Variants in DPYD observed in about 807,000 individuals in gnomAD.
DPYD encodes dihydropyrimidine dehydrogenase [NADP(+)].
A neutral mutation model predicts 116.2 loss-of-function variants in DPYD; 109 were observed. That is an observed-to-expected ratio of 0.94 (90% CI 0.80 to 1.10). DPYD has a LOEUF of 1.10. Ranked by LOEUF, DPYD falls within the 50% of genes least tolerant of loss-of-function variation. The pLI is 0.00. For missense variants in DPYD, 1,302 were observed against 1,254.5 expected (o/e 1.04, Z -0.57); for synonymous variants, 440 against 432.0 (o/e 1.02, Z -0.23).
intron 3 of DPYD, among the ~76,000 whole-genome samples, chr1:97,801,901 ATTTT>A (rs1384305612): frequency 6.6e-6 from 1 of 151,842 alleles, no homozygotes; most frequent in Non-Finnish European, 1.5e-5. Flanking sequence ...AAGATTATTT[ATTTT>A]ATTATTTGAC....
Position 97,787,910 on chromosome 1 carries a change from T to C in DPYD, c.233+40204A>G, listed in dbSNP as rs548062607. Among the ~76,000 whole-genome samples the C allele has an allele frequency of 8.5e-5, 13 of 152,320 alleles. No individual in the cohort carries two copies. The South Asian group carries it at 2.7e-3, about 32-fold the overall frequency. ...CTGCATACATATAAGAGACAAGATT[T>C]AGTAATAAAGCTTCCTCTAGAAAAA... is the stretch of plus-strand genomic sequence containing the variant. On this transcript the variant is annotated intron_variant, in intron 3 of 22. Transcript: ENST00000370192.
At chr1:97,779,433 T>C in intron 3 of DPYD, among the ~76,000 whole-genome samples, 1 of 151,922 alleles carries the variant, frequency 6.6e-6, no homozygotes, top group East Asian at 1.9e-4. Context: ...TGTGTGAAAT[T>C]TACAAGAAGA....
At chr1:97,631,412 T>G (rs953870026) in intron 8 of DPYD, among the ~76,000 whole-genome samples, 23 of 152,100 alleles carry the variant, frequency 1.5e-4, no homozygotes, top group African/African-American at 4.8e-4. Context: ...ATGTCAATCT[T>G]GGGCCTTGCT....
chr1:97,670,682 C>T (rs1659815270), intron 8 of DPYD, among the ~76,000 whole-genome samples: 1 of 152,100 alleles, frequency 6.6e-6, no homozygotes, highest in Admixed American at 6.6e-5. Context: ...TATATGTTCA[C>T]TAATAACCCC....
intron 16 of DPYD, among the ~76,000 whole-genome samples, chr1:97,334,510 C>T (rs1247821141): frequency 6.6e-6 from 1 of 152,150 alleles, no homozygotes; most frequent in East Asian, 1.9e-4. Context: ...TTGTAACATG[C>T]ATATTGCGTG....
At chr1:97,479,421 G>A (rs1286322651) in intron 13 of DPYD, among the ~76,000 whole-genome samples, 1 of 152,168 alleles carries the variant, frequency 6.6e-6, no homozygotes, top group Non-Finnish European at 1.5e-5. Context: ...CAGCCGGTTG[G>A]TAGAGCAACC....
At chr1:97,206,685 T>A (rs1219269814) in intron 19 of DPYD, among the ~76,000 whole-genome samples, 1 of 89,492 alleles carries the variant, frequency 1.1e-5, no homozygotes, top group Non-Finnish European at 2.3e-5. Context: ...TATATATATA[T>A]ATAATCTATA....
At chr1:97,899,541 G>A (rs1190822774) in intron 1 of DPYD, among the ~76,000 whole-genome samples, 3 of 151,608 alleles carry the variant, frequency 2.0e-5, no homozygotes, top group African/African-American at 7.3e-5. Flanking sequence ...ATTGTGCCTG[G>A]AGGTGGTCTT....
intron 13 of DPYD, among the ~76,000 whole-genome samples, chr1:97,475,520 A>G (rs1253158606): frequency 6.6e-6 from 1 of 152,200 alleles, no homozygotes; most frequent in East Asian, 1.9e-4. Flanking sequence ...TGTTCTTGAT[A>G]TATTGGGAGA....
intron 20 of DPYD, among the ~76,000 whole-genome samples, chr1:97,107,392 T>C (rs2101616474): frequency 6.6e-6 from 1 of 152,262 alleles, no homozygotes; most frequent in East Asian, 1.9e-4. Flanking sequence ...TTAGTTTTAC[T>C]TTCCTTGCAT....
intron 5 of DPYD, among the ~76,000 whole-genome samples, chr1:97,716,461 C>CA (rs1662622708): frequency 6.6e-6 from 1 of 151,652 alleles, no homozygotes; most frequent in Middle Eastern, 3.2e-3. Flanking sequence ...CAAACCCTGC[C>CA]AAAAAAACAA....
At chr1:97,748,693 T>C (rs925881619) in intron 3 of DPYD, among the ~76,000 whole-genome samples, 1 of 152,214 alleles carries the variant, frequency 6.6e-6, no homozygotes, top group African/African-American at 2.4e-5. Context: ...TAAGTGCTCA[T>C]ACGCGTTTAA....
At chr1:97,391,533 C>T (rs998988953) in intron 14 of DPYD, among the ~76,000 whole-genome samples, 2 of 151,704 alleles carry the variant, frequency 1.3e-5, no homozygotes, top group African/African-American at 4.8e-5. Flanking sequence ...GAGGTGCAGG[C>T]ATCAGAGTTT....
At chr1:97,370,771 AC>A (rs2101497557) in intron 16 of DPYD, among the ~76,000 whole-genome samples, 1 of 152,278 alleles carries the variant, frequency 6.6e-6, no homozygotes, top group South Asian at 2.1e-4. Flanking sequence ...AGAGATGGAC[AC>A]TTATCCTTCA....
intron 6 of DPYD, among the ~76,000 whole-genome samples, chr1:97,692,729 A>C (rs569449587): frequency 6.6e-6 from 1 of 152,354 alleles, no homozygotes; most frequent in African/African-American, 2.4e-5. Context: ...AAGGATACAC[A>C]AAAGATAATT....
At chr1:97,514,348 CT>C (rs1257901563) in intron 13 of DPYD, 2 of 637,956 alleles carry the variant, frequency 3.1e-6, no homozygotes, top group Admixed American at 6.3e-5. Flanking sequence ...GCAAACACCT[CT>C]TTTTTTCAGC....
At chr1:97,459,848 T>C (rs1004025097) in intron 13 of DPYD, among the ~76,000 whole-genome samples, 2 of 152,182 alleles carry the variant, frequency 1.3e-5, no homozygotes, top group African/African-American at 2.4e-5. Context: ...GGTGTGATTA[T>C]GTTTATATGA....
chr1:97,204,556 G>C (rs898191008), intron 19 of DPYD, among the ~76,000 whole-genome samples: 1 of 152,100 alleles, frequency 6.6e-6, no homozygotes, highest in Non-Finnish European at 1.5e-5. Context: ...AGGATGCTTA[G>C]AGATGACCAT....
chr1:97,592,683 AT>A (rs1654605474), intron 10 of DPYD, among the ~76,000 whole-genome samples: 2 of 152,190 alleles, frequency 1.3e-5, no homozygotes, highest in Non-Finnish European at 2.9e-5. Context: ...TATTTTTAGT[AT>A]GCTAACTAAC....
Sources: gnomAD v4.1 joint callset for allele counts (sites outside exome capture counted in the v4.1 genomes callset) on GRCh38, gnomAD v4.1.1 for gene constraint, MANE v1.5 for transcripts, NCBI Gene and HGNC (gene_info 2026-07-23, HGNC 2026-07-21) for gene names.